EFCAB11: variants seen among roughly 807,000 people sequenced by gnomAD.
The protein encoded by EFCAB11 is EF-hand calcium-binding domain-containing protein 11.
In EFCAB11, 14 loss-of-function variants were observed where a neutral mutation model predicts 23.0. The observed-to-expected ratio is 0.61, with a 90% CI of 0.40 to 0.95. EFCAB11 has a LOEUF of 0.95. EFCAB11 is among the 40% of genes least tolerant of loss of function. The pLI, the probability that EFCAB11 is intolerant of heterozygous loss-of-function variation, is 0.00. For synonymous variants in EFCAB11, 65 were observed against 66.6 expected, an observed-to-expected ratio of 0.98 and a Z score of 0.11; for missense variants, 198 against 195.8, an observed-to-expected ratio of 1.01 and a Z score of -0.07.
At chr14:89,888,494 A>C (rs920216718) in intron 5 of EFCAB11, among the ~76,000 whole-genome samples, 1 of 152,200 alleles carries the variant, frequency 6.6e-6, no homozygotes, top group Admixed American at 6.5e-5. Context: ...CCAGAGCAGG[A>C]ACAAGAGTTG....
chr14:89,874,095 T>C (rs1888362035), intron 5 of EFCAB11, among the ~76,000 whole-genome samples: 1 of 152,190 alleles, frequency 6.6e-6, no homozygotes, highest in Non-Finnish European at 1.5e-5. Context: ...TTTCCATACA[T>C]CCTCTGAAAT....
chr14:89,862,020 T>A (rs1284727481), intron 5 of EFCAB11, among the ~76,000 whole-genome samples: 4 of 152,262 alleles, frequency 2.6e-5, no homozygotes, highest in Non-Finnish European at 4.4e-5. Flanking sequence ...TTTCCTTACC[T>A]AATCTCCTTC....
At chr14:89,885,326 T>G (rs1339971202) in intron 5 of EFCAB11, among the ~76,000 whole-genome samples, 1 of 152,126 alleles carries the variant, frequency 6.6e-6, no homozygotes, top group Non-Finnish European at 1.5e-5. Flanking sequence ...CTTAAAACAT[T>G]TTGGCATTGT....
At chr14:89,924,279 T>C (rs1890118259) in intron 5 of EFCAB11, 1 of 1,002,502 alleles carries the variant, frequency 1.0e-6, no homozygotes, top group Non-Finnish European at 1.2e-6. Context: ...ACCAAAAATA[T>C]CAGGATATAA....
At chr14:89,925,716 G>A (rs1890171736) in intron 5 of EFCAB11, among the ~76,000 whole-genome samples, 1 of 150,336 alleles carries the variant, frequency 6.7e-6, no homozygotes, top group African/African-American at 2.4e-5. Flanking sequence ...CGCAGCCTGG[G>A]CTCACTGCAA....
At chr14:89,936,275 G>A (rs960915390) in intron 3 of EFCAB11, among the ~76,000 whole-genome samples, 7 of 151,910 alleles carry the variant, frequency 4.6e-5, no homozygotes, top group Non-Finnish European at 1.0e-4. Context: ...TAATTCACAA[G>A]GAAAAAAAAG....
At chr14:89,853,781 A>G (rs1887666092) in intron 5 of EFCAB11, among the ~76,000 whole-genome samples, 1 of 152,220 alleles carries the variant, frequency 6.6e-6, no homozygotes, top group African/African-American at 2.4e-5. Context: ...CCTCACAACA[A>G]AAGAATGTAG....
intron 5 of EFCAB11, among the ~76,000 whole-genome samples, chr14:89,849,535 T>C (rs182091382): frequency 1.4e-3 from 209 of 152,054 alleles, no homozygotes; most frequent in African/African-American, 4.8e-3. Context: ...GTGAGTGGGA[T>C]TGTGGGAGGT....
At chr14:89,924,566 A>T in intron 5 of EFCAB11, 1 of 1,525,146 alleles carries the variant, frequency 6.6e-7, no homozygotes, top group Non-Finnish European at 8.8e-7. Context: ...CCATGCAGAG[A>T]AAAATGCCAG....
chr14:89,936,649 C>T (rs1890593664), intron 3 of EFCAB11, among the ~76,000 whole-genome samples: 1 of 152,202 alleles, frequency 6.6e-6, no homozygotes, highest in African/African-American at 2.4e-5. Context: ...TCTAACGCAA[C>T]ATTTATCCAA....
intron 5 of EFCAB11, among the ~76,000 whole-genome samples, chr14:89,800,727 A>G (rs1189055943): frequency 4.6e-5 from 7 of 152,162 alleles, no homozygotes; most frequent in Non-Finnish European, 8.8e-5. Context: ...CCTGGAATTG[A>G]TTTTGGGAGT....
At chr14:89,837,282 C>T (rs1439062774) in intron 5 of EFCAB11, 15 of 350,098 alleles carry the variant, frequency 4.3e-5, no homozygotes, top group Non-Finnish European at 8.1e-5. Context: ...TACCTGGGCT[C>T]CCTTCCAGTT....
At position 89,953,903 on chromosome 14, in the gene EFCAB11, T is replaced by C. The variant is rs776278169; in HGVS notation, c.171+3A>G. On this transcript the variant is annotated splice_donor_region_variant and intron_variant, in intron 2 of 5. Coordinates refer to ENST00000316738, the MANE Select transcript of EFCAB11 (RefSeq NM_145231.4). ...CATCCCCAAATATATAAGAAAGCTCTACCTTGGAGGGCTTGTACCCAAACA... is the reference window on the plus strand; with the variant it reads ...CATCCCCAAATATATAAGAAAGCTCCACCTTGGAGGGCTTGTACCCAAACA... The C allele has an allele frequency of 1.2e-6, 2 of 1,611,860 alleles. No homozygotes were observed. Among genetic ancestry groups the C allele is most frequent in the Non-Finnish European group, 1.7e-6 (2 of 1,179,232 alleles).
intron 5 of EFCAB11, among the ~76,000 whole-genome samples, chr14:89,801,808 A>G (rs1357009868): frequency 6.6e-6 from 1 of 152,148 alleles, no homozygotes; most frequent in Non-Finnish European, 1.5e-5. Context: ...AGCCTGGGCA[A>G]CATGGTGAAA....
At chr14:89,837,341 AG>A (rs1334149018) in intron 5 of EFCAB11, among the ~76,000 whole-genome samples, 4 of 151,832 alleles carry the variant, frequency 2.6e-5, no homozygotes, top group Admixed American at 2.6e-4. Flanking sequence ...GTGGGAGAAG[AG>A]AGGATGGGAT....
intron 5 of EFCAB11, among the ~76,000 whole-genome samples, chr14:89,889,641 T>G (rs1888900206): frequency 6.6e-6 from 1 of 152,256 alleles, no homozygotes; most frequent in African/African-American, 2.4e-5. Context: ...TAAAACTGTT[T>G]GTGCAGACAA....
intron 5 of EFCAB11, among the ~76,000 whole-genome samples, chr14:89,889,151 A>T (rs1330337981): frequency 1.3e-5 from 2 of 152,208 alleles, no homozygotes; most frequent in Non-Finnish European, 2.9e-5. Flanking sequence ...ACAACACTGA[A>T]GATTAAAAGG....
At chr14:89,897,686 G>A (rs1350887001) in intron 5 of EFCAB11, among the ~76,000 whole-genome samples, 3 of 152,176 alleles carry the variant, frequency 2.0e-5, no homozygotes, top group Non-Finnish European at 4.4e-5. Context: ...CTTAAATAAA[G>A]CAGTCGCACA....
At chr14:89,842,388 A>G (rs759856786) in intron 5 of EFCAB11, among the ~76,000 whole-genome samples, 10 of 152,204 alleles carry the variant, frequency 6.6e-5, no homozygotes, top group Non-Finnish European at 1.3e-4. Flanking sequence ...CAGGAGTTTG[A>G]GACCAGCCTA....
Sources: allele counts gnomAD v4.1 joint callset (sites outside exome capture counted in the v4.1 genomes callset), GRCh38; gene constraint gnomAD v4.1.1; transcripts MANE v1.5; gene names NCBI Gene and HGNC (gene_info 2026-07-23, HGNC 2026-07-21).